Variants in DCAF1 observed in about 807,000 individuals in gnomAD.
DCAF1 encodes DDB1- and CUL4-associated factor 1.
DCAF1 carries 15 observed loss-of-function variants against 128.0 expected under a neutral mutation model. That is an observed-to-expected ratio of 0.12 (90% CI 0.08 to 0.18). DCAF1 has a LOEUF of 0.18. Among genes scored for constraint, DCAF1 ranks in the 10% least tolerant of loss-of-function variants. The probability of loss-of-function intolerance (pLI) is 1.00; values close to 1 mark genes in which losing one functional copy is unlikely to be tolerated. For missense variants in DCAF1, 988 were observed against 1,649.5 expected, an observed-to-expected ratio of 0.60 and a Z score of 6.95; for synonymous variants, 610 against 603.0, an observed-to-expected ratio of 1.01 and a Z score of -0.17.
At chr3:51,453,015 C>CA (rs11415116) in intron 6 of DCAF1, among the ~76,000 whole-genome samples, 15,492 of 109,000 alleles carry the variant, frequency 0.14, 1,659 homozygotes, top group East Asian at 0.39. Context: ...GGCTCTGTCT[C>CA]AAAAAAAAAA....
chr3:51,409,226 G>A (rs1409139700), intron 23 of DCAF1, among the ~76,000 whole-genome samples: 24 of 152,314 alleles, frequency 1.6e-4, no homozygotes, highest in African/African-American at 5.5e-4. Context: ...AGTGGGATAA[G>A]AGGAGTATAA....
At position 51,441,198 on chromosome 3, in the gene DCAF1, G is replaced by A. The variant is rs527680720; in HGVS notation, c.1027-127C>T. The A allele has an allele frequency of 1.6e-4, 188 of 1,157,926 alleles. 1 individual carries two copies. The South Asian group carries it at 2.4e-3, about 15-fold the overall frequency. The allele number at this position is 1,157,926 out of a possible 1,614,324, so 71.7% of individuals were successfully genotyped here. A position where few individuals can be genotyped will look rare whatever the true frequency, so the allele number is the denominator to read the frequency against. ...TTCCTCCCTCCCTGTGAAGATAAAC[G>A]TGTAAATGCACTTTAATCAAATAGA... On this transcript the variant is annotated intron_variant, in intron 8 of 24. Coordinates refer to ENST00000684031, the MANE Select transcript of DCAF1 (RefSeq NM_001387579.1).
At chr3:51,440,631 C>T (rs1701276189) in intron 9 of DCAF1, among the ~76,000 whole-genome samples, 1 of 150,474 alleles carries the variant, frequency 6.6e-6, no homozygotes, top group Non-Finnish European at 1.5e-5. Context: ...CTTCACCAGG[C>T]GCAGTGGCTC....
At chr3:51,461,285 T>C (rs1553644434) in intron 6 of DCAF1, among the ~76,000 whole-genome samples, 1 of 151,888 alleles carries the variant, frequency 6.6e-6, no homozygotes, top group Admixed American at 6.6e-5. Flanking sequence ...AGAAGACATT[T>C]ATGCAGCCAA....
the DCAF1 span, among the ~76,000 whole-genome samples, chr3:51,505,299 A>G: frequency 6.6e-6 from 1 of 151,830 alleles, no homozygotes; most frequent in Non-Finnish European, 1.5e-5. Context: ...ATTAATAATA[A>G]TTTTTTAAAT....
intron 9 of DCAF1, among the ~76,000 whole-genome samples, chr3:51,438,382 AT>A (rs1476227455): frequency 2.0e-5 from 3 of 152,228 alleles, no homozygotes; most frequent in African/African-American, 7.2e-5. Context: ...TAACAAAAAA[AT>A]AAAACGGCAT....
intron 9 of DCAF1, among the ~76,000 whole-genome samples, chr3:51,436,185 G>A (rs1371392843): frequency 6.6e-6 from 1 of 152,226 alleles, no homozygotes; most frequent in East Asian, 1.9e-4. Context: ...CAGGAGCAAT[G>A]ATGCTCAGGG....
At chr3:51,468,690 T>C (rs1408436173) in intron 4 of DCAF1, among the ~76,000 whole-genome samples, 1 of 152,206 alleles carries the variant, frequency 6.6e-6, no homozygotes, top group Non-Finnish European at 1.5e-5. Context: ...GGACCGTAGT[T>C]ACCTAATGTT....
intron 5 of DCAF1, among the ~76,000 whole-genome samples, chr3:51,464,264 A>ACAAT (rs1553645746): frequency 6.6e-6 from 1 of 150,400 alleles, no homozygotes; most frequent in African/African-American, 2.4e-5. Flanking sequence ...AATTATATAT[A>ACAAT]TAATACAATA....
At chr3:51,488,952 G>A (rs576274647) in intron 2 of DCAF1, among the ~76,000 whole-genome samples, 6 of 152,304 alleles carry the variant, frequency 3.9e-5, no homozygotes, top group Non-Finnish European at 5.9e-5. Flanking sequence ...GCGACAGGGC[G>A]AGACTCCGTC....
At chr3:51,415,930 A>G (rs1195619229) in intron 18 of DCAF1, among the ~76,000 whole-genome samples, 1 of 152,040 alleles carries the variant, frequency 6.6e-6, no homozygotes. Context: ...TTGAATGTCT[A>G]AGAGAATCTC....
upstream of DCAF1, among the ~76,000 whole-genome samples, chr3:51,502,195 C>T (rs1265803416): frequency 8.5e-5 from 13 of 152,166 alleles, no homozygotes; most frequent in South Asian, 6.2e-4. Flanking sequence ...TTAGCTCACG[C>T]GCTCCTGGCA....
chr3:51,420,064 C>G lies in DCAF1; in HGVS notation c.2906G>C (p.Gly969Ala). Residue 969 changes from glycine to alanine, a missense_variant, in exon 15 of 25, where the codon GGC becomes GCC. Gly to Ala is a moderately conservative substitution (Grantham distance 60). This residue lies in a region of DCAF1 where 105 missense variants were observed against 266.7 expected (regional missense o/e 0.39). Transcript: ENST00000684031. This position sits in a 1 kb window ranked among gnomAD's most constrained non-coding sequence, Gnocchi z 6.5. ...CTGCCGCAACACTCTGATTTTCCTGCCATTGCAGGGTGATGGCCTCTCTCT... is the reference window on the plus strand; with the variant it reads ...CTGCCGCAACACTCTGATTTTCCTGGCATTGCAGGGTGATGGCCTCTCTCT... ...FIRERPSPCN[G>A]RKIRVLRQKS... The G allele has an allele frequency of 6.2e-7, 1 of 1,614,032 alleles. No individual in the cohort carries two copies. Among genetic ancestry groups the G allele is most frequent in the Non-Finnish European group, 8.5e-7 (1 of 1,179,908 alleles).
Position 51,427,545 on chromosome 3 carries a change from T to C in DCAF1, c.1678-4A>G. 2 of 696,644 alleles carry C rather than the reference T, an allele frequency of 2.9e-6. No homozygotes were observed. The highest frequency in any genetic ancestry group is 2.6e-6 in the Non-Finnish European group (1 of 377,992). 43.2% of individuals were successfully genotyped at this position (696,644 alleles called of 1,614,324 possible). A position where few individuals can be genotyped will look rare whatever the true frequency, so the allele number is the denominator to read the frequency against. ...GTTCATGAGTATATGAGCATGCCTA[T>C]AAGGAGAGATATATAGTATTATTAT... On this transcript the variant is annotated splice_region_variant and splice_polypyrimidine_tract_variant and intron_variant, in intron 12 of 24. Transcript: ENST00000684031.
At chr3:51,443,978 G>C in intron 6 of DCAF1, 75 bp from the exon 7 acceptor site, 1 of 1,418,130 alleles carries the variant, frequency 7.1e-7, no homozygotes, top group Non-Finnish European at 9.4e-7. Context: ...AAAGATTTCA[G>C]TCTCATGAAA....
Position 51,419,736 on chromosome 3 carries a change from G to A in DCAF1, c.3234C>T (p.Ser1078=), listed in dbSNP as rs1553631683. ...AGTAAGAAGGGGCCTCTTCTTACCT[G>A]CTAAAGATAAGGTGCCTATCAAAGC... The part of the protein sequence containing the change: ...GGCFDRHLIF[S]RFRPISVFRE... The change falls in exon 15 of 25, where the codon AGC becomes AGT. Residue 1078 remains serine, a splice_region_variant and synonymous_variant. Coordinates refer to ENST00000684031, the MANE Select transcript of DCAF1 (RefSeq NM_001387579.1). 1 of 1,606,282 alleles carries A rather than the reference G, an allele frequency of 6.2e-7. No homozygotes were observed. Among genetic ancestry groups the A allele is most frequent in the South Asian group, 1.1e-5 (1 of 90,378 alleles).
At position 51,433,284 on chromosome 3, in the gene DCAF1, A is replaced by G. The variant is rs1700540810; in HGVS notation, c.1129-20T>C. On this transcript the variant is annotated intron_variant, in intron 9 of 24. Transcript: ENST00000684031. ...TAGGTGCTAAAAAATGAGGACACAAATTACCACAAAATAATCTAGAAAATT... is the reference window on the plus strand; with the variant it reads ...TAGGTGCTAAAAAATGAGGACACAAGTTACCACAAAATAATCTAGAAAATT... 2.5e-6 allele frequency: 1 copy of G among 398,374 alleles called. No individual in the cohort carries two copies. Among genetic ancestry groups the G allele is most frequent in the Non-Finnish European group, 4.4e-6 (1 of 226,020 alleles). The allele number at this position is 398,374 out of a possible 1,614,324, so 24.7% of individuals were successfully genotyped here. A position where few individuals can be genotyped will look rare whatever the true frequency, so the allele number is the denominator to read the frequency against.
intron 12 of DCAF1, among the ~76,000 whole-genome samples, chr3:51,428,167 G>T (rs1415964698): frequency 2.0e-5 from 3 of 151,092 alleles, no homozygotes; most frequent in Non-Finnish European, 4.4e-5. Flanking sequence ...AGCATCATGT[G>T]ACTGATTTCA....
chr3:51,463,851 T>C (rs1487656089), intron 5 of DCAF1, among the ~76,000 whole-genome samples: 1 of 151,966 alleles, frequency 6.6e-6, no homozygotes, highest in East Asian at 1.9e-4. Flanking sequence ...CCCTTCCATA[T>C]ACACTTTAAT....
Sources: gnomAD v4.1 joint callset for allele counts (sites outside exome capture counted in the v4.1 genomes callset) on GRCh38, gnomAD v4.1.1 for gene constraint, gnomAD v4.1.1 regional missense constraint, Gnocchi (gnomAD v3.1) non-coding constraint, MANE v1.5 for transcripts, NCBI Gene and HGNC (gene_info 2026-07-23, HGNC 2026-07-21) for gene names.